The following KNDC1 variants were observed in gnomAD, a reference collection of about 807,000 sequenced individuals.
KNDC1 encodes kinase non-catalytic C-lobe domain containing 1.
KNDC1 carries 106 observed loss-of-function variants against 172.8 expected under a neutral mutation model. The observed-to-expected ratio is 0.61, with a 90% CI of 0.52 to 0.72. The LOEUF is 0.72. Ranked by LOEUF, KNDC1 falls within the 30% of genes least tolerant of loss-of-function variation. The probability of loss-of-function intolerance (pLI) is 0.00; values close to 1 mark genes in which losing one functional copy is unlikely to be tolerated. For synonymous variants in KNDC1, 1,083 were observed against 1,062.2 expected (o/e 1.02, Z -0.38); for missense variants, 2,325 against 2,394.5 (o/e 0.97, Z 0.61).
intron 6 of KNDC1, among the ~76,000 whole-genome samples, chr10:133,186,970 C>T (rs556488484): frequency 3.3e-5 from 5 of 152,278 alleles, no homozygotes; most frequent in South Asian, 2.1e-4. Flanking sequence ...ACGGCCGTCC[C>T]GAGGGATTAA....
chr10:133,184,433 A>C (rs567642120), intron 5 of KNDC1, among the ~76,000 whole-genome samples: 184 of 152,092 alleles, frequency 1.2e-3, no homozygotes, highest in African/African-American at 4.1e-3. Flanking sequence ...TTCAGAGATC[A>C]CACAAACTCA....
intron 1 of KNDC1, among the ~76,000 whole-genome samples, chr10:133,166,240 G>A (rs887982893): frequency 4.6e-5 from 7 of 152,168 alleles, no homozygotes; most frequent in African/African-American, 1.2e-4. Flanking sequence ...GGGAGAAGGG[G>A]CCTCTGCCTC....
In KNDC1 at chr10:133,166,698, CTGTG is replaced by C. The variant is rs139578550; in HGVS notation, c.103-680_103-677del. 4.5e-3 allele frequency among the ~76,000 whole-genome samples: 681 copies of C among 151,716 alleles called. 5 individuals carry two copies. Among genetic ancestry groups the C allele is most frequent in the African/African-American group, 0.016 (644 of 41,340 alleles). On this transcript the variant is annotated intron_variant, in intron 1 of 29. Coordinates refer to ENST00000304613, the MANE Select transcript of KNDC1 (RefSeq NM_152643.8). ...GATGCATGTATGGGGATGCGTGTGT[CTGTG>C]TGAGGGTGAGCACGTGTGCTAGGTG...
chr10:133,187,439 G>A (rs1237512554), intron 6 of KNDC1, among the ~76,000 whole-genome samples: 2 of 152,262 alleles, frequency 1.3e-5, no homozygotes, highest in Non-Finnish European at 2.9e-5. Context: ...GCTCCTCCGG[G>A]CAAGGTCACC....
rs989187523 is a variant in KNDC1 at position 133,164,719 on chromosome 10, C to T, written c.103-2662C>T. ...AGAGCCCCGGGGTCTCCAAGGGCCCCTTCTGGAGGTGACTACAGGACGCCC... is the reference window on the plus strand; with the variant it reads ...AGAGCCCCGGGGTCTCCAAGGGCCCTTTCTGGAGGTGACTACAGGACGCCC... On this transcript the variant is annotated intron_variant, in intron 1 of 29. Transcript: ENST00000304613. Among the ~76,000 whole-genome samples the T allele has an allele frequency of 3.9e-5, 6 of 152,326 alleles. No homozygotes were observed. In the South Asian group the frequency reaches 6.2e-4, roughly 16 times the overall value.
In KNDC1 at chr10:133,224,639, T is replaced by A. The variant is rs1222989830; in HGVS notation, c.5019-20T>A. On this transcript the variant is annotated intron_variant, in intron 29 of 29. Transcript: ENST00000304613. The surrounding 1 kb of genome is among the most constrained non-coding windows in gnomAD (Gnocchi z 5.4). ...CCCCTGCCCTGTGCAAACTAACGTC[T>A]CTTCTTTCCTCAACGGAAGGAACAT... 3 of 1,606,818 alleles carry A rather than the reference T, an allele frequency of 1.9e-6. No individual in the cohort carries two copies. Among genetic ancestry groups the A allele is most frequent in the Admixed American group, 3.3e-5 (2 of 59,922 alleles).
At chr10:133,166,956 C>T (rs1029380851) in intron 1 of KNDC1, among the ~76,000 whole-genome samples, 3 of 152,184 alleles carry the variant, frequency 2.0e-5, no homozygotes, top group South Asian at 2.1e-4. Context: ...GTCAGGATCA[C>T]GCCCCGTTAG....
At chr10:133,197,182 T>A in intron 11 of KNDC1, 47 bp downstream of exon 11, 1 of 1,470,364 alleles carries the variant, frequency 6.8e-7, no homozygotes, top group Non-Finnish European at 9.4e-7. Flanking sequence ...GCGCTTAGCT[T>A]CCTCCCTCCT....
At position 133,224,727 on chromosome 10, in the gene KNDC1, C is replaced by G; in HGVS notation, c.5087C>G (p.Pro1696Arg). Reference protein sequence around the residue: ...QENPYTFSPDPKLQSYLKQRI... With the variant: ...QENPYTFSPDRKLQSYLKQRI... ...AACCCTTACACCTTCAGCCCCGACCCCAAGCTCCAGTCGTACCTCAAGCAG... is the reference window on the plus strand; with the variant it reads ...AACCCTTACACCTTCAGCCCCGACCGCAAGCTCCAGTCGTACCTCAAGCAG... The change falls in exon 30 of 30, where the codon CCC becomes CGC. Residue 1696 changes from proline (P) to arginine (R), a missense_variant. Physicochemically the swap from Pro to Arg is moderately radical, Grantham distance 103. Coordinates refer to ENST00000304613, the MANE Select transcript of KNDC1 (RefSeq NM_152643.8). This position sits in a 1 kb window ranked among gnomAD's most constrained non-coding sequence, Gnocchi z 5.4. 6.2e-7 allele frequency: 1 copy of G among 1,614,108 alleles called. No homozygotes were observed. Among genetic ancestry groups the G allele is most frequent in the Non-Finnish European group, 8.5e-7 (1 of 1,180,026 alleles).
intron 7 of KNDC1, 120 bp from the exon 8 acceptor site, chr10:133,189,478 C>T (rs976805635): frequency 4.4e-5 from 40 of 918,830 alleles, no homozygotes; most frequent in Middle Eastern, 3.2e-4. Context: ...GGTGCGTGCC[C>T]GTGCAATGGG....
In KNDC1 at chr10:133,209,714, C is replaced by T. The variant is rs1845316810; in HGVS notation, c.3795-897C>T. Among the ~76,000 whole-genome samples the T allele has an allele frequency of 6.6e-6, 1 of 152,140 alleles. No homozygotes were observed. Among genetic ancestry groups the T allele is most frequent in the Admixed American group, 6.5e-5 (1 of 15,284 alleles). On this transcript the variant is annotated intron_variant, in intron 20 of 29. Coordinates refer to ENST00000304613, the MANE Select transcript of KNDC1 (RefSeq NM_152643.8). This position sits in a 1 kb window ranked among gnomAD's most constrained non-coding sequence, Gnocchi z 4.9. Reference sequence around the variant, plus strand: ...TTCCCCGCTCTGTGGACCTGGTGGGCGTCACCTTTGCAGGGCAGCCTGGGG... The same window carrying T: ...TTCCCCGCTCTGTGGACCTGGTGGGTGTCACCTTTGCAGGGCAGCCTGGGG...
Position 133,224,426 on chromosome 10 carries a change from T to A in KNDC1, c.5019-233T>A, listed in dbSNP as rs1312090692. Reference sequence around the variant, plus strand: ...AGGGACGAGCCTGAGCCTGCAGGGTTTCCATAAGCGTGTGTGGACTGAAAT... The same window carrying A: ...AGGGACGAGCCTGAGCCTGCAGGGTATCCATAAGCGTGTGTGGACTGAAAT... On this transcript the variant is annotated intron_variant, in intron 29 of 29. Transcript: ENST00000304613. This position sits in a 1 kb window ranked among gnomAD's most constrained non-coding sequence, Gnocchi z 5.4. Among the ~76,000 whole-genome samples, 1 of 152,102 alleles carries A rather than the reference T, an allele frequency of 6.6e-6. No homozygotes were observed. Among genetic ancestry groups the A allele is most frequent in the Non-Finnish European group, 1.5e-5 (1 of 68,026 alleles).
rs1411202002 is a variant in KNDC1 at position 133,224,824 on chromosome 10, C to G, written c.5184C>G (p.Val1728=). 1.2e-6 allele frequency: 2 copies of G among 1,613,986 alleles called. No individual in the cohort carries two copies. The highest frequency in any genetic ancestry group is 1.7e-6 in the Non-Finnish European group (2 of 1,180,036). The change falls in exon 30 of 30, where the codon GTC becomes GTG. Residue 1728 remains valine (V), a synonymous_variant. Coordinates refer to ENST00000304613, the MANE Select transcript of KNDC1 (RefSeq NM_152643.8). The surrounding 1 kb of genome is among the most constrained non-coding windows in gnomAD (Gnocchi z 5.4). ...AADSRANFHQ[V]SSEKHSRKIQ... ...ATAGCAGGGCCAACTTCCACCAGGT[C>G]TCCAGCGAGAAGCACTCACGGAAGA...
rs1179919683 is a variant in KNDC1, at chr10:133,183,509, G to A, written c.507+19G>A. 7 of 1,586,016 alleles carry A rather than the reference G, an allele frequency of 4.4e-6. No homozygotes were observed. Among genetic ancestry groups the A allele is most frequent in the Non-Finnish European group, 8.5e-7 (1 of 1,169,652 alleles). ...CCTTGAGGTAAGCGAGGCTGCCCTGGGCCACCCCAGGCTGTGACCCTGACC... is the reference window on the plus strand; with the variant it reads ...CCTTGAGGTAAGCGAGGCTGCCCTGAGCCACCCCAGGCTGTGACCCTGACC... On this transcript the variant is annotated intron_variant, in intron 4 of 29. Coordinates refer to ENST00000304613, the MANE Select transcript of KNDC1 (RefSeq NM_152643.8).
intron 24 of KNDC1, among the ~76,000 whole-genome samples, chr10:133,213,218 C>T (rs1373173759): frequency 3.9e-5 from 6 of 152,230 alleles, no homozygotes; most frequent in East Asian, 3.9e-4. Context: ...CCCTGAGGGC[C>T]GCATGGGGCG....
chr10:133,207,614 G>A (rs754117285), intron 20 of KNDC1, among the ~76,000 whole-genome samples: 11 of 152,236 alleles, frequency 7.2e-5, no homozygotes, highest in Non-Finnish European at 1.3e-4. Flanking sequence ...CTGCGGAACC[G>A]CCCTACATAA....
At chr10:133,166,969 C>T (rs573489461) in intron 1 of KNDC1, among the ~76,000 whole-genome samples, 88 of 152,210 alleles carry the variant, frequency 5.8e-4, no homozygotes, top group Non-Finnish European at 4.6e-4. Context: ...CCCGTTAGCT[C>T]TGCACGAGTC....
intron 26 of KNDC1, among the ~76,000 whole-genome samples, chr10:133,215,243 AG>A (rs1205288863): frequency 1.3e-5 from 2 of 152,184 alleles, no homozygotes; most frequent in African/African-American, 4.8e-5. Flanking sequence ...GCTGTCCCAG[AG>A]TGGGCTGAAG....
intron 29 of KNDC1, among the ~76,000 whole-genome samples, chr10:133,223,830 A>T (rs1205922559): frequency 4.0e-5 from 2 of 49,630 alleles, no homozygotes; most frequent in Admixed American, 3.1e-4. Context: ...TGTGTGTGTG[A>T]GAGCCCATCC....
Sources: allele counts gnomAD v4.1 joint callset (sites outside exome capture counted in the v4.1 genomes callset), GRCh38; gene constraint gnomAD v4.1.1; non-coding constraint Gnocchi (gnomAD v3.1); transcripts MANE v1.5; gene names NCBI Gene and HGNC (gene_info 2026-07-23, HGNC 2026-07-21).